Variants in GIT1 observed in about 807,000 individuals in gnomAD.
GIT1 encodes ARF GTPase-activating protein GIT1.
Under a neutral mutation model 91.7 loss-of-function variants are expected in GIT1, and 14 were observed. The observed-to-expected ratio is 0.15, with a 90% CI of 0.10 to 0.24. GIT1 has a LOEUF of 0.24. Ranked by LOEUF, GIT1 falls within the 10% of genes least tolerant of loss-of-function variation. The pLI, the probability that GIT1 is intolerant of heterozygous loss-of-function variation, is 1.00. For missense variants in GIT1, 717 were observed against 1,024.9 expected (o/e 0.70, Z 4.10); for synonymous variants, 414 against 418.2 (o/e 0.99, Z 0.12).
chr17:29,586,347 C>A (rs1205344534), intron 1 of GIT1, among the ~76,000 whole-genome samples: 1 of 152,012 alleles, frequency 6.6e-6, no homozygotes, highest in East Asian at 1.9e-4. Context: ...TTTAGCTCAC[C>A]AGCTATCATT....
chr17:29,583,062 G>C (rs1165338243), intron 2 of GIT1, 25 bp from the exon 3 acceptor site: 2 of 1,446,490 alleles, frequency 1.4e-6, no homozygotes, highest in Non-Finnish European at 1.9e-6. Context: ...TGCCAAGTGA[G>C]AGAGTGCCCA....
intron 9 of GIT1, among the ~76,000 whole-genome samples, chr17:29,577,987 A>T (rs1293427325): frequency 1.3e-5 from 2 of 152,246 alleles, no homozygotes; most frequent in Admixed American, 1.3e-4. Context: ...TTGGGCTGGA[A>T]TCCGGCTGTG....
Position 29,576,236 on chromosome 17 carries a change from T to G in GIT1, c.1595A>C (p.Gln532Pro), listed in dbSNP as rs746821383. 2.5e-6 allele frequency: 4 copies of G among 1,608,232 alleles called. No individual in the cohort carries two copies. Among genetic ancestry groups the G allele is most frequent in the Non-Finnish European group, 2.6e-6 (3 of 1,176,088 alleles). Residue 532 changes from glutamine to proline, a missense_variant, in exon 14 of 20, where the codon CAG becomes CCG. By Grantham distance (76) the Gln-to-Pro change is moderately conservative. Coordinates refer to ENST00000225394, the MANE Select transcript of GIT1 (RefSeq NM_014030.4). ...GTGACTCACAGTGCTGTGGAAAGGC[T>G]GCAGCCGCGTAGTGAGCTCGTCCCC... The part of the protein sequence containing the change: ...PPGDELTTRL[Q>P]PFHSTELEDD...
At chr17:29,588,354 T>C (rs967681049) in intron 1 of GIT1, among the ~76,000 whole-genome samples, 3 of 152,180 alleles carry the variant, frequency 2.0e-5, no homozygotes, top group African/African-American at 7.2e-5. Context: ...TCACTGGCTG[T>C]CCTCCCTCAT....
chr17:29,585,326 G>T (rs2033558090), intron 1 of GIT1, among the ~76,000 whole-genome samples: 1 of 152,222 alleles, frequency 6.6e-6, no homozygotes, highest in South Asian at 2.1e-4. Context: ...CCTCTTGGTG[G>T]GGTTTCCTGT....
intron 1 of GIT1, 190 bp from the exon 2 acceptor site, chr17:29,583,806 G>A (rs1412008705): frequency 1.6e-6 from 1 of 629,378 alleles, no homozygotes; most frequent in Non-Finnish European, 2.7e-6. Flanking sequence ...TCACAGCTGG[G>A]GGCTGACAGA....
At chr17:29,583,440 T>C (rs967449262) in intron 2 of GIT1, 43 bp downstream of exon 2, 4 of 1,600,086 alleles carry the variant, frequency 2.5e-6, no homozygotes, top group Admixed American at 3.4e-5. Flanking sequence ...CTCAGCACAC[T>C]CTGCCTGAGG....
intron 10 of GIT1, 146 bp from the exon 11 acceptor site, chr17:29,577,393 C>T: frequency 1.4e-6 from 1 of 705,750 alleles, no homozygotes; most frequent in Non-Finnish European, 2.4e-6. Context: ...GGCTAGTCAG[C>T]AGCCAAGGCC....
At chr17:29,576,056 G>A (rs1468507073) in intron 15 of GIT1, 22 bp downstream of exon 15, 1 of 1,612,276 alleles carries the variant, frequency 6.2e-7, no homozygotes, top group African/African-American at 1.3e-5. Flanking sequence ...GGCTAAGATG[G>A]ACACGCCTTC....
chr17:29,586,332 T>C (rs2033593715), intron 1 of GIT1, among the ~76,000 whole-genome samples: 1 of 152,212 alleles, frequency 6.6e-6, no homozygotes, highest in Non-Finnish European at 1.5e-5. Flanking sequence ...TTTTTGCTTG[T>C]TTTATTTAGC....
In GIT1 at chr17:29,576,904, G is replaced by T. The variant is rs767530609; in HGVS notation, c.1186C>A (p.Pro396Thr). The change falls in exon 12 of 20, where the codon CCC (proline) becomes ACC (threonine). Residue 396 changes from proline (P) to threonine (T), a missense_variant. Physicochemically the swap from Pro to Thr is conservative, Grantham distance 38 (BLOSUM62 -1). Transcript: ENST00000225394. ...CGAGTGGCGCCGGTGCTGCGCAGGG[G>T]CTCCTGGTCTGTGTCCTCGTCAGAG... The part of the protein sequence containing the change: ...VASDEDTDQE[P>T]LRSTGATRSN... 3 of 1,578,614 alleles carry T rather than the reference G, an allele frequency of 1.9e-6. No homozygotes were observed. Among genetic ancestry groups the T allele is most frequent in the Non-Finnish European group, 2.6e-6 (3 of 1,164,326 alleles).
rs754398662 is a variant in GIT1 at position 29,577,001 on chromosome 17, G to A, written c.1094-5C>T. 1.2e-6 allele frequency: 2 copies of A among 1,603,652 alleles called. No homozygotes were observed. Among genetic ancestry groups the A allele is most frequent in the East Asian group, 2.2e-5 (1 of 44,872 alleles). Reference sequence around the variant, plus strand: ...GCAGAGACAGCTCGAGGTTGTCTGAGGACACAGGAGTGTCACTCAGGCCAC... The same window carrying A: ...GCAGAGACAGCTCGAGGTTGTCTGAAGACACAGGAGTGTCACTCAGGCCAC... On this transcript the variant is annotated splice_polypyrimidine_tract_variant and splice_region_variant and intron_variant, in intron 11 of 19. Transcript: ENST00000225394.
Position 29,574,898 on chromosome 17 carries a change from G to A in GIT1, c.2090C>T (p.Pro697Leu), listed in dbSNP as rs1468906897. 6.4e-7 allele frequency: 1 copy of A among 1,566,972 alleles called. No individual in the cohort carries two copies. The highest frequency in any genetic ancestry group is 1.1e-5 in the South Asian group (1 of 87,380). Residue 697 changes from proline to leucine, a missense_variant, in exon 20 of 20, where the codon CCA becomes CTA. Pro to Leu is a moderately conservative substitution (Grantham distance 98). Around this residue, in one of 3 missense-constraint regions of GIT1, gnomAD observed 134 missense variants for 223.8 expected, o/e 0.60. Coordinates refer to ENST00000225394, the MANE Select transcript of GIT1 (RefSeq NM_014030.4). Reference protein sequence around the residue: ...SLFPKRPALEPVRSSLRLLNA... With the variant: ...SLFPKRPALELVRSSLRLLNA... ...GAGCAGCCGCAGTGAGCTCCGCACT[G>A]GCTCCAGGGCTGGCCTCTGGAGGGG...
In GIT1 at chr17:29,574,787, G is replaced by A; in HGVS notation, c.2201C>T (p.Thr734Ile). The change falls in exon 20 of 20, where the codon ACT (threonine) becomes ATT (isoleucine). Residue 734 changes from threonine (T) to isoleucine (I), a missense_variant. Physicochemically the swap from Thr to Ile is moderately conservative, Grantham distance 89 (BLOSUM62 -1). This residue lies in a region of GIT1 where 134 missense variants were observed against 223.8 expected (regional missense o/e 0.60). Coordinates refer to ENST00000225394, the MANE Select transcript of GIT1 (RefSeq NM_014030.4). The stretch of plus-strand genomic sequence containing the variant: ...ATAGGCGCACTGGATCACCTGCTGA[G>A]TCAGCAGCTGGAAGTCCACTGGGGC... ...PGAPVDFQLL[T>I]QQVIQCAYDI... 1.9e-6 allele frequency: 3 copies of A among 1,613,016 alleles called. No individual in the cohort carries two copies. Among genetic ancestry groups the A allele is most frequent in the Non-Finnish European group, 2.5e-6 (3 of 1,179,826 alleles).
intron 7 of GIT1, among the ~76,000 whole-genome samples, chr17:29,580,392 C>T (rs2033357551): frequency 6.6e-6 from 1 of 152,238 alleles, no homozygotes; most frequent in African/African-American, 2.4e-5. Flanking sequence ...TGCCCATCTG[C>T]CCACACAGGC....
intron 10 of GIT1, 132 bp downstream of exon 10, chr17:29,577,513 A>G: frequency 1.4e-6 from 1 of 731,746 alleles, no homozygotes; most frequent in Non-Finnish European, 2.5e-6. Context: ...CCCAAATCCC[A>G]GTGCCAGCTG....
At chr17:29,578,260 C>T (rs529810834) in intron 9 of GIT1, 39 bp downstream of exon 9, 30 of 1,542,438 alleles carry the variant, frequency 1.9e-5, no homozygotes, top group South Asian at 7.8e-5. Context: ...CTGGGCCGCT[C>T]GGGTCCTCCA....
At position 29,580,795 on chromosome 17, in the gene GIT1, C is replaced by T. The variant is rs539653176; in HGVS notation, c.761+543G>A. 8.1e-5 allele frequency among the ~76,000 whole-genome samples: 12 copies of T among 148,678 alleles called. No homozygotes were observed. In the East Asian group the frequency reaches 1.6e-3, roughly 20 times the overall value. ...CTTTTTCTTTTTTTTTTTTTTGAGA[C>T]GGAGTTTGGAGTTTTGCTCTTGTTG... On this transcript the variant is annotated intron_variant, in intron 7 of 19. Transcript: ENST00000225394.
intron 7 of GIT1, among the ~76,000 whole-genome samples, chr17:29,580,774 T>G (rs2033369798): frequency 1.3e-5 from 2 of 151,570 alleles, no homozygotes; most frequent in African/African-American, 4.9e-5. Flanking sequence ...CTGTTTCTTT[T>G]TCTTTTTTTT....
Sources: allele counts gnomAD v4.1 joint callset (sites outside exome capture counted in the v4.1 genomes callset), GRCh38; gene constraint gnomAD v4.1.1; regional missense constraint gnomAD v4.1.1; transcripts MANE v1.5; gene names NCBI Gene and HGNC (gene_info 2026-07-23, HGNC 2026-07-21).